The following SPRED1 variants were observed in gnomAD, a reference collection of about 807,000 sequenced individuals.
The protein encoded by SPRED1 is sprouty-related, EVH1 domain-containing protein 1.
Under a neutral mutation model 52.3 loss-of-function variants are expected in SPRED1, and 18 were observed. The ratio of observed to expected loss-of-function variants is 0.34; its 90% confidence interval spans 0.24 to 0.51. SPRED1 has a LOEUF of 0.51. Ranked by LOEUF, SPRED1 falls within the 20% of genes least tolerant of loss-of-function variation. The pLI is 0.97. For missense variants in SPRED1, 485 were observed against 551.0 expected (o/e 0.88, Z 1.20); for synonymous variants, 155 against 179.7 (o/e 0.86, Z 1.10).
intron 1 of SPRED1, among the ~76,000 whole-genome samples, chr15:38,286,730 TA>T (rs1247556427): frequency 6.6e-6 from 1 of 152,180 alleles, no homozygotes; most frequent in Non-Finnish European, 1.5e-5. Flanking sequence ...TTTTTAAGAA[TA>T]AATGTTGAAT....
intron 1 of SPRED1, among the ~76,000 whole-genome samples, chr15:38,298,395 A>G (rs1282217592): frequency 1.3e-5 from 2 of 152,202 alleles, no homozygotes; most frequent in Non-Finnish European, 1.5e-5. Context: ...AGACATGTAC[A>G]AGAATGTTTA....
chr15:38,332,297 G>C (rs1215516947), intron 4 of SPRED1, among the ~76,000 whole-genome samples: 1 of 152,098 alleles, frequency 6.6e-6, no homozygotes, highest in Non-Finnish European at 1.5e-5. Context: ...TTTTTTGCCA[G>C]GTGTGATAGC....
chr15:38,319,528 C>T (rs933089887), intron 2 of SPRED1, among the ~76,000 whole-genome samples: 10 of 152,086 alleles, frequency 6.6e-5, no homozygotes, highest in African/African-American at 2.4e-4. Context: ...TACAGGTTCC[C>T]ACCACCACGC....
chr15:38,328,056 C>G (rs1895740235), intron 4 of SPRED1, among the ~76,000 whole-genome samples: 1 of 152,130 alleles, frequency 6.6e-6, no homozygotes, highest in Non-Finnish European at 1.5e-5. Context: ...TATCTAGCTA[C>G]TTTATTAGGA....
In SPRED1 at chr15:38,252,919, C is replaced by G. The variant is rs901412935; in HGVS notation, c.-267C>G. ...CTCTTTTTCCCTTTCCACCGGGCCT[C>G]CTCGGATCCCTTGGCTGGGCACTGA... On this transcript the variant is annotated 5_prime_UTR_variant, in exon 1 of 7. Transcript: ENST00000299084. 1 of 574,188 alleles carries G rather than the reference C, an allele frequency of 1.7e-6. No individual in the cohort carries two copies. The highest frequency in any genetic ancestry group is 3.1e-6 in the Non-Finnish European group (1 of 321,642). 35.6% of individuals were successfully genotyped at this position (574,188 alleles called of 1,614,324 possible).
intron 1 of SPRED1, among the ~76,000 whole-genome samples, chr15:38,263,909 A>G (rs1040458764): frequency 1.3e-5 from 2 of 152,220 alleles, no homozygotes; most frequent in African/African-American, 2.4e-5. Context: ...CATGCAGCCC[A>G]TGGGCCGCGG....
At chr15:38,325,712 A>G (rs887911941) in intron 4 of SPRED1, among the ~76,000 whole-genome samples, 1 of 151,500 alleles carries the variant, frequency 6.6e-6, no homozygotes, top group Non-Finnish European at 1.5e-5. Flanking sequence ...TGAGGAACTG[A>G]AGCGTTCAGA....
chr15:38,330,136 G>A lies in SPRED1; in HGVS notation c.423+5327G>A, dbSNP rs193034178. ...GATCTACAGACAGTAAACAATCTCT[G>A]CAAACCTAATACCACATTAAGCCAA... On this transcript the variant is annotated intron_variant, in intron 4 of 6. Transcript: ENST00000299084. 5.9e-5 allele frequency among the ~76,000 whole-genome samples: 9 copies of A among 152,228 alleles called. No individual in the cohort carries two copies. The East Asian group carries it at 1.7e-3, about 29-fold the overall frequency.
rs1158623562 is a variant in SPRED1, at chr15:38,356,218, ATTCT to A, written c.*4559_*4562del. The A allele has an allele frequency of 6.6e-6, 1 of 152,142 alleles. No homozygotes were observed. Among genetic ancestry groups the A allele is most frequent in the African/African-American group, 2.4e-5 (1 of 41,446 alleles). The allele number at this position is 152,142 out of a possible 1,614,324, so 9.4% of individuals were successfully genotyped here. ...TTATTTCCATTAAAAGCTTGACTGCATTCTTTCTAATGAACAATGAAAAACTGTT... is the reference window on the plus strand; with the variant it reads ...TTATTTCCATTAAAAGCTTGACTGCATTCTAATGAACAATGAAAAACTGTT... On this transcript the variant is annotated 3_prime_UTR_variant, in exon 7 of 7. Transcript: ENST00000299084.
intron 1 of SPRED1, among the ~76,000 whole-genome samples, chr15:38,276,384 ACCT>A (rs1408330442): frequency 1.3e-5 from 2 of 152,064 alleles, no homozygotes; most frequent in Non-Finnish European, 2.9e-5. Context: ...GTTTACATGT[ACCT>A]CCTTTTAGTG....
chr15:38,334,136 A>C (rs1260163783), intron 4 of SPRED1, among the ~76,000 whole-genome samples: 1 of 152,094 alleles, frequency 6.6e-6, no homozygotes, highest in African/African-American at 2.4e-5. Flanking sequence ...AAGGTGAATG[A>C]ATTTCACTGA....
At chr15:38,298,512 A>T in intron 1 of SPRED1, 2 of 316,156 alleles carry the variant, frequency 6.3e-6, no homozygotes, top group South Asian at 5.0e-5. Context: ...CTACTTAGTT[A>T]AAAAAAATTA....
intron 1 of SPRED1, among the ~76,000 whole-genome samples, chr15:38,295,613 C>T (rs1267288830): frequency 6.6e-6 from 1 of 151,980 alleles, no homozygotes; most frequent in Admixed American, 6.6e-5. Context: ...TGCTACAATG[C>T]TTGTTAATTT....
intron 4 of SPRED1, among the ~76,000 whole-genome samples, chr15:38,338,247 A>G (rs1344001587): frequency 1.3e-5 from 2 of 149,382 alleles, no homozygotes; most frequent in Admixed American, 1.3e-4. Flanking sequence ...TGTGGTTTAG[A>G]GAAGTTAGAC....
At chr15:38,336,208 T>C (rs1895910023) in intron 4 of SPRED1, among the ~76,000 whole-genome samples, 1 of 151,802 alleles carries the variant, frequency 6.6e-6, no homozygotes, top group Non-Finnish European at 1.5e-5. Flanking sequence ...TTTCCCTTAT[T>C]ATGCCATGTT....
At position 38,299,378 on chromosome 15, in the gene SPRED1, G is replaced by A. The variant is rs1057517922; in HGVS notation, c.38G>A (p.Ser13Asn). Residue 13 changes from serine (S) to asparagine (N), a missense_variant, in exon 2 of 7, where the codon AGT (serine) becomes AAT (asparagine). Coordinates refer to ENST00000299084, the MANE Select transcript of SPRED1 (RefSeq NM_152594.3). ...EETATSDNDN[S>N]YARVRAVVMT... ...GATCTTTGCATCTATTTTAGTAATA[G>A]TTATGCACGAGTGCGAGCTGTGGTG... 1 of 1,613,858 alleles carries A rather than the reference G, an allele frequency of 6.2e-7. No individual in the cohort carries two copies. The highest frequency in any genetic ancestry group is 8.5e-7 in the Non-Finnish European group (1 of 1,179,840).
chr15:38,342,413 AAACCTTGCAAAAATAC>A (rs1315047301), intron 5 of SPRED1, among the ~76,000 whole-genome samples: 4 of 152,078 alleles, frequency 2.6e-5, no homozygotes, highest in Non-Finnish European at 5.9e-5. Context: ...ATAAAATTTA[AAACCTTGCAAAAATAC>A]TATTTTAAAC....
chr15:38,340,995 A>ATTTTTTTTTTTTTTTTTTTTTTTT, intron 5 of SPRED1, among the ~76,000 whole-genome samples: 1 of 128,292 alleles, frequency 7.8e-6, no homozygotes, highest in South Asian at 2.6e-4. Context: ...CTGGGCCTGG[A>ATTTTTTTTTTTTTTTTTTTTTTTT]TTTTTTTTTT....
chr15:38,312,979 A>G (rs1043110810), intron 2 of SPRED1, among the ~76,000 whole-genome samples: 1 of 151,766 alleles, frequency 6.6e-6, no homozygotes, highest in African/African-American at 2.4e-5. Flanking sequence ...AATTTTTAAC[A>G]TTTGCCACAT....
Sources: allele counts gnomAD v4.1 joint callset (sites outside exome capture counted in the v4.1 genomes callset), GRCh38; gene constraint gnomAD v4.1.1; transcripts MANE v1.5; gene names NCBI Gene and HGNC (gene_info 2026-07-23, HGNC 2026-07-21).